Variants in PCLO observed in about 807,000 individuals in gnomAD.
The protein encoded by PCLO is protein piccolo.
PCLO carries 82 observed loss-of-function variants against 427.5 expected under a neutral mutation model. That is an observed-to-expected ratio of 0.19 (90% CI 0.16 to 0.23). The LOEUF (loss-of-function observed/expected upper bound fraction) is 0.23, where lower values mean the gene tolerates loss of function less well. Among genes scored for constraint, PCLO ranks in the 10% least tolerant of loss-of-function variants. The pLI is 1.00. For missense variants in PCLO, 6,239 were observed against 6,115.9 expected, an observed-to-expected ratio of 1.02 and a Z score of -0.67; for synonymous variants, 2,357 against 2,155.4, an observed-to-expected ratio of 1.09 and a Z score of -2.59.
intron 6 of PCLO, among the ~76,000 whole-genome samples, chr7:82,930,997 G>A (rs1024805744): frequency 8.5e-5 from 13 of 152,126 alleles, no homozygotes; most frequent in Non-Finnish European, 1.5e-5. Flanking sequence ...AGAGATAAAA[G>A]AAAACAAGTT....
chr7:83,000,441 T>C (rs1454349303), intron 3 of PCLO, among the ~76,000 whole-genome samples: 2 of 151,832 alleles, frequency 1.3e-5, no homozygotes, highest in African/African-American at 4.8e-5. Context: ...TTAAAAGAAG[T>C]CCTTTAGACC....
At chr7:82,761,203 A>G (rs1211633883) in intron 23 of PCLO, among the ~76,000 whole-genome samples, 156 bp downstream of exon 23, 1 of 151,960 alleles carries the variant, frequency 6.6e-6, no homozygotes, top group African/African-American at 2.4e-5. Flanking sequence ...ATCTAGCTAA[A>G]AACTGAAAGA....
At chr7:83,125,882 A>G (rs943445273) in intron 3 of PCLO, among the ~76,000 whole-genome samples, 1 of 151,448 alleles carries the variant, frequency 6.6e-6, no homozygotes, top group African/African-American at 2.4e-5. Flanking sequence ...AATGATCAAT[A>G]AATACTAAAA....
At chr7:82,774,364 T>A (rs549326973) in intron 22 of PCLO, among the ~76,000 whole-genome samples, 2 of 152,278 alleles carry the variant, frequency 1.3e-5, no homozygotes, top group Non-Finnish European at 2.9e-5. Context: ...CCTGGATCTA[T>A]CTCTATGCTT....
rs1381047243 is a variant in PCLO at position 83,135,215 on chromosome 7, G to T, written c.2335C>A (p.Pro779Thr). ...SSSATTKPDI[P>T]SSKVQSQAEE... ...GCTTGTGACTGTACTTTGGAGCTTG[G>T]AATATCAGGTTTTGTTGTTGCTGAT... Residue 779 changes from proline to threonine, a missense_variant, in exon 3 of 25, where the codon CCA becomes ACA. By Grantham distance (38) the Pro-to-Thr change is conservative (BLOSUM62 -1). This residue lies in a region of PCLO where 4,677 missense variants were observed against 4,468.4 expected (regional missense o/e 1.05). Coordinates refer to ENST00000333891, the MANE Select transcript of PCLO (RefSeq NM_033026.6). 1 of 1,613,870 alleles carries T rather than the reference G, an allele frequency of 6.2e-7. No homozygotes were observed. The highest frequency in any genetic ancestry group is 1.1e-5 in the South Asian group (1 of 91,068).
chr7:83,020,967 T>TG (rs2116056246), intron 3 of PCLO, among the ~76,000 whole-genome samples: 1 of 152,296 alleles, frequency 6.6e-6, no homozygotes, highest in African/African-American at 2.4e-5. Flanking sequence ...GATAACAACT[T>TG]GAGCATTGTG....
chr7:83,046,573 C>G (rs1370466193), intron 3 of PCLO, among the ~76,000 whole-genome samples: 1 of 151,972 alleles, frequency 6.6e-6, no homozygotes, highest in East Asian at 1.9e-4. Flanking sequence ...TCTTCCTGTG[C>G]TTTTGGATCT....
At chr7:82,920,177 CAT>C (rs772313750) in intron 6 of PCLO, among the ~76,000 whole-genome samples, 1 of 151,570 alleles carries the variant, frequency 6.6e-6, no homozygotes, top group Admixed American at 6.6e-5. Context: ...ATCAATATAA[CAT>C]AAAATAAGAG....
At position 82,894,781 on chromosome 7, in the gene PCLO, A is replaced by G. The variant is rs115196274; in HGVS notation, c.13528+7870T>C. Among the ~76,000 whole-genome samples, 1,315 of 152,154 alleles carry G rather than the reference A, an allele frequency of 8.6e-3. 24 individuals carry two copies. The highest frequency in any genetic ancestry group is 0.03 in the African/African-American group (1,233 of 41,550). On this transcript the variant is annotated intron_variant, in intron 9 of 24. Transcript: ENST00000333891. ...CTTTACTGCTGGAGGGGATGAAACA[A>G]GTGGCAGACTTGCAATTTATTTGGG... is the stretch of plus-strand genomic sequence containing the variant.
chr7:83,064,905 C>A (rs1282663745), intron 3 of PCLO, among the ~76,000 whole-genome samples: 1 of 151,892 alleles, frequency 6.6e-6, no homozygotes, highest in Non-Finnish European at 1.5e-5. Context: ...CCAAAGGGAA[C>A]AATAACTTCT....
At chr7:82,827,832 T>C (rs755892466) in intron 17 of PCLO, 41 bp downstream of exon 17, 2 of 1,104,358 alleles carry the variant, frequency 1.8e-6, no homozygotes, top group Admixed American at 2.0e-5. Flanking sequence ...ACTGTACTTA[T>C]ATTAGCCTAA....
At chr7:82,853,023 C>T (rs1792704123) in intron 10 of PCLO, among the ~76,000 whole-genome samples, 1 of 152,002 alleles carries the variant, frequency 6.6e-6, no homozygotes, top group African/African-American at 2.4e-5. Flanking sequence ...CCTCCAATTC[C>T]AGCCCTGTTG....
chr7:82,873,364 G>A (rs1218930482), intron 10 of PCLO, among the ~76,000 whole-genome samples: 1 of 151,838 alleles, frequency 6.6e-6, no homozygotes, highest in Non-Finnish European at 1.5e-5. Context: ...GTGATGCACT[G>A]GGCATCTTAA....
chr7:82,850,344 G>T (rs1442384841), intron 10 of PCLO, among the ~76,000 whole-genome samples: 1 of 152,032 alleles, frequency 6.6e-6, no homozygotes. Context: ...AGACAGTCTG[G>T]AGTTTTGCTG....
chr7:82,899,922 A>C (rs1261964510), intron 9 of PCLO, among the ~76,000 whole-genome samples: 2 of 151,632 alleles, frequency 1.3e-5, no homozygotes, highest in Non-Finnish European at 3.0e-5. Flanking sequence ...AAATGATTTG[A>C]AGATTTCCAT....
At chr7:82,974,858 A>C (rs1795982346) in intron 3 of PCLO, among the ~76,000 whole-genome samples, 1 of 151,864 alleles carries the variant, frequency 6.6e-6, no homozygotes, top group South Asian at 2.1e-4. Context: ...GGCTCATTGC[A>C]AGCTCCATCT....
intron 3 of PCLO, among the ~76,000 whole-genome samples, chr7:83,123,631 A>T (rs1440675425): frequency 4.6e-5 from 7 of 152,176 alleles, no homozygotes; most frequent in African/African-American, 1.7e-4. Context: ...AAATGGGATC[A>T]TATCAAGTTA....
chr7:82,879,290 A>G, intron 10 of PCLO, 47 bp downstream of exon 10: 1 of 1,482,196 alleles, frequency 6.7e-7, no homozygotes, highest in Non-Finnish European at 9.2e-7. Flanking sequence ...AATGTATTTA[A>G]TATGAGTGCA....
intron 3 of PCLO, among the ~76,000 whole-genome samples, chr7:83,129,284 A>T (rs1791514248): frequency 6.6e-6 from 1 of 152,096 alleles, no homozygotes; most frequent in Admixed American, 6.6e-5. Flanking sequence ...CCCTATTATA[A>T]TTTTTTTAAG....
Sources: gnomAD v4.1 joint callset for allele counts (sites outside exome capture counted in the v4.1 genomes callset) on GRCh38, gnomAD v4.1.1 for gene constraint, gnomAD v4.1.1 regional missense constraint, MANE v1.5 for transcripts, NCBI Gene and HGNC (gene_info 2026-07-23, HGNC 2026-07-21) for gene names.